The following TLE1 variants were observed in gnomAD, a reference collection of about 807,000 sequenced individuals.
TLE1 encodes the protein transducin-like enhancer protein 1.
In TLE1, 21 loss-of-function variants were observed where a neutral mutation model predicts 89.8. The ratio of observed to expected loss-of-function variants is 0.23; its 90% CI spans 0.17 to 0.34. The LOEUF (loss-of-function observed/expected upper bound fraction) is 0.34, where lower values mean the gene tolerates loss of function less well. Ranked by LOEUF, TLE1 falls within the 10% of genes least tolerant of loss-of-function variation. The probability of loss-of-function intolerance (pLI) is 1.00; values close to 1 mark genes in which losing one functional copy is unlikely to be tolerated. For missense variants in TLE1, 795 were observed against 1,031.2 expected (o/e 0.77, Z 3.14); for synonymous variants, 447 against 407.6 (o/e 1.10, Z -1.16).
rs1829761636 is a variant in TLE1, at chr9:81,593,033, C to T, written c.1573G>A (p.Asp525Asn). ...PGNKSPVSQL[D>N]CLNRDNYIRS... The stretch of plus-strand genomic sequence containing the variant: ...AGTTCCTGTTCACTCACCAGACAGT[C>T]GAGCTGGGAGACAGGGCTCTTATTG... Residue 525 changes from aspartate to asparagine, a missense_variant, in exon 15 of 20, where the codon GAC becomes AAC. Coordinates refer to ENST00000376499, the MANE Select transcript of TLE1 (RefSeq NM_005077.5). The T allele has an allele frequency of 4.3e-6, 7 of 1,612,660 alleles. No homozygotes were observed. In the South Asian group the frequency reaches 4.4e-5, roughly 10 times the overall value.
chr9:81,587,944 G>GTGTGTGTGTGTGTGTGTGTA, intron 16 of TLE1, 116 bp from the exon 17 acceptor site: 5 of 1,208,300 alleles, frequency 4.1e-6, no homozygotes, highest in Non-Finnish European at 5.7e-6. Flanking sequence ...GTGTGTGTGT[G>GTGTGTGTGTGTGTGTGTGTA]TGATCCCGCC....
At chr9:81,604,374 CTGAAG>C (rs1831361726) in intron 14 of TLE1, among the ~76,000 whole-genome samples, 2 of 152,118 alleles carry the variant, frequency 1.3e-5, no homozygotes, top group Non-Finnish European at 2.9e-5. Flanking sequence ...CAAGAGAGGG[CTGAAG>C]CGACAGACAA....
At chr9:81,586,276 C>G (rs1375577022) in intron 17 of TLE1, among the ~76,000 whole-genome samples, 1 of 152,186 alleles carries the variant, frequency 6.6e-6, no homozygotes, top group African/African-American at 2.4e-5. Context: ...CTCGGCCTCC[C>G]AAAGTGCTGG....
At chr9:81,625,784 C>A (rs1430002359) in intron 8 of TLE1, among the ~76,000 whole-genome samples, 1 of 152,012 alleles carries the variant, frequency 6.6e-6, no homozygotes, top group African/African-American at 2.4e-5. Context: ...AAGACCCAGC[C>A]ACTTCAATAA....
chr9:81,657,904 ATTTTTTTTTTT>A (rs34624864), intron 4 of TLE1, among the ~76,000 whole-genome samples: 1 of 134,014 alleles, frequency 7.5e-6, no homozygotes, highest in African/African-American at 2.8e-5. Flanking sequence ...TACAGACATA[ATTTTTTTTTTT>A]TTTTTTTTTT....
chr9:81,642,449 T>C (rs1267531025), intron 6 of TLE1, among the ~76,000 whole-genome samples: 2 of 152,000 alleles, frequency 1.3e-5, no homozygotes, highest in African/African-American at 2.4e-5. Context: ...TCCCAGCCTT[T>C]GGGAGGCCGA....
At position 81,654,013 on chromosome 9, in the gene TLE1, A is replaced by G. The variant is rs145545216; in HGVS notation, c.258T>C (p.Asn86=). The G allele has an allele frequency of 8.1e-6, 13 of 1,613,922 alleles. No homozygotes were observed. The African/African-American group carries it at 1.2e-4, about 15-fold the overall frequency. The change falls in exon 5 of 20, where the codon AAT becomes AAC. Residue 86 remains asparagine, a synonymous_variant. Coordinates refer to ENST00000376499, the MANE Select transcript of TLE1 (RefSeq NM_005077.5). The stretch of plus-strand genomic sequence containing the variant: ...ATGGGATGACTTGTGCACAAATCGT[A>G]TTCAATCTCTTGGCGATTTCAGTCT... ...HKQTEIAKRL[N]TICAQVIPFL...
At chr9:81,636,353 A>G (rs1158878299) in intron 6 of TLE1, among the ~76,000 whole-genome samples, 1 of 150,136 alleles carries the variant, frequency 6.7e-6, no homozygotes, top group Non-Finnish European at 1.5e-5. Context: ...GACACCTGCC[A>G]TAAGAAATGT....
At chr9:81,592,899 C>G in intron 15 of TLE1, 126 bp downstream of exon 15, 1 of 1,356,400 alleles carries the variant, frequency 7.4e-7, no homozygotes. Flanking sequence ...GTTAAATAAC[C>G]AACACAGGAA....
chr9:81,637,183 C>A (rs2132409388), intron 6 of TLE1, among the ~76,000 whole-genome samples: 1 of 151,962 alleles, frequency 6.6e-6, no homozygotes. Flanking sequence ...CATAGTGAAA[C>A]CCTGTCTCTA....
chr9:81,596,436 T>C (rs899700809), intron 14 of TLE1, among the ~76,000 whole-genome samples: 3 of 151,888 alleles, frequency 2.0e-5, no homozygotes, highest in African/African-American at 7.3e-5. Context: ...AGGGATCAAC[T>C]GGAAGGAAAA....
intron 3 of TLE1, 31 bp from the exon 4 acceptor site, chr9:81,685,751 A>T (rs958440629): frequency 1.2e-6 from 2 of 1,612,572 alleles, no homozygotes; most frequent in African/African-American, 2.7e-5. Context: ...CAAGCATTTC[A>T]TTAACTCATG....
intron 4 of TLE1, among the ~76,000 whole-genome samples, chr9:81,656,412 CG>C (rs780934441): frequency 1.3e-5 from 2 of 152,182 alleles, no homozygotes; most frequent in East Asian, 3.8e-4. Flanking sequence ...TTCCTCTTCT[CG>C]GAAATTCACA....
chr9:81,592,224 G>T (rs1003011828), intron 15 of TLE1, among the ~76,000 whole-genome samples: 1 of 152,200 alleles, frequency 6.6e-6, no homozygotes, highest in South Asian at 2.1e-4. Flanking sequence ...CGGGCGTGGT[G>T]GTGGGCGCCC....
Position 81,615,977 on chromosome 9 carries a change from C to T in TLE1, c.918+5G>A. The T allele has an allele frequency of 6.2e-7, 1 of 1,613,334 alleles. No homozygotes were observed. The highest frequency in any genetic ancestry group is 1.1e-5 in the South Asian group (1 of 90,988). On this transcript the variant is annotated splice_donor_5th_base_variant and intron_variant, in intron 11 of 19. Transcript: ENST00000376499. ...AACAGGCAAGTGTCAGTTTTCTTTA[C>T]CTACCAAGCTCATTTCTTTGGATTT...
rs747783944 is a variant in TLE1, at chr9:81,633,311, GTGTGTGTGT to G, written c.594+28_594+36del. 104 of 1,610,378 alleles carry G rather than the reference GTGTGTGTGT, an allele frequency of 6.5e-5. 1 individual carries two copies. The Middle Eastern group carries it at 2.1e-3, about 32-fold the overall frequency. ...ACCGTGTGTGTGTGTGTGTGTGTGT[GTGTGTGTGT>G]GTGTGCAGCAGGCGTTTGAGTACTT... On this transcript the variant is annotated intron_variant, in intron 8 of 19. Transcript: ENST00000376499.
rs552111913 is a variant in TLE1 at position 81,616,240 on chromosome 9, G to A, written c.766-106C>T. On this transcript the variant is annotated intron_variant, in intron 10 of 19. Transcript: ENST00000376499. ...TTAAGGACAGAGCTGAAAGTCCTTC[G>A]GGTTGGGGTTGTACAAGGTGACCAA... 2.7e-5 allele frequency: 38 copies of A among 1,407,128 alleles called. No homozygotes were observed. In the South Asian group the frequency reaches 3.2e-4, roughly 12 times the overall value. The allele number at this position is 1,407,128 out of a possible 1,614,324, so 87.2% of individuals were successfully genotyped here.
intron 17 of TLE1, among the ~76,000 whole-genome samples, chr9:81,586,565 GTT>G (rs1828491760): frequency 6.6e-6 from 1 of 152,180 alleles, no homozygotes; most frequent in Non-Finnish European, 1.5e-5. Context: ...TGGCTAAAAG[GTT>G]ATATGGTGCA....
chr9:81,664,709 G>GA (rs60095023), intron 4 of TLE1, among the ~76,000 whole-genome samples: 35,392 of 146,528 alleles, frequency 0.24, 4,369 homozygotes, highest in Non-Finnish European at 0.29. Context: ...TTTTAATTAA[G>GA]AAAAAAAAAA....
Sources: gnomAD v4.1 joint callset for allele counts (sites outside exome capture counted in the v4.1 genomes callset) on GRCh38, gnomAD v4.1.1 for gene constraint, MANE v1.5 for transcripts, NCBI Gene and HGNC (gene_info 2026-07-23, HGNC 2026-07-21) for gene names.